TUT1: variants seen among roughly 807,000 people sequenced by gnomAD.
The protein encoded by TUT1 is speckle targeted PIP5K1A-regulated poly(A) polymerase.
In TUT1, 26 loss-of-function variants were observed where a neutral mutation model predicts 48.8. The observed-to-expected ratio is 0.53, with a 90% CI of 0.39 to 0.74. TUT1 has a LOEUF of 0.74. Among genes scored for constraint, TUT1 ranks in the 30% least tolerant of loss-of-function variants. The pLI, the probability that TUT1 is intolerant of heterozygous loss-of-function variation, is 0.00. For synonymous variants in TUT1, 470 were observed against 460.8 expected (o/e 1.02, Z -0.26); for missense variants, 1,065 against 1,114.8 (o/e 0.96, Z 0.64).
intron 1 of TUT1, chr11:62,591,198 T>G: frequency 2.7e-5 from 15 of 565,698 alleles, no homozygotes; most frequent in Non-Finnish European, 3.4e-5. Context: ...ACTTGCGTTG[T>G]GGAGATTTCA....
chr11:62,588,374 T>C (rs1471664693), intron 2 of TUT1, among the ~76,000 whole-genome samples: 3 of 152,056 alleles, frequency 2.0e-5, no homozygotes, highest in African/African-American at 7.2e-5. Context: ...GCCAACATGG[T>C]GAAACCCTGT....
chr11:62,577,233 G>C lies in TUT1; in HGVS notation c.1219C>G (p.Arg407Gly), dbSNP rs745572318. Residue 407 changes from arginine (R) to glycine (G), a missense_variant, in exon 6 of 9, where the codon CGG becomes GGG. Arg to Gly is a moderately radical substitution (Grantham distance 125). Transcript: ENST00000476907. ...SLCSELDGRV[R>G]PLVYTLRCWA... ...CAGCGGAGGGTGTACACGAGGGGCC[G>C]GACTCGACCATCCAGCTCAGAGCAG... is the stretch of plus-strand genomic sequence containing the variant. 1.9e-6 allele frequency: 3 copies of C among 1,611,278 alleles called. No homozygotes were observed. Among genetic ancestry groups the C allele is most frequent in the Non-Finnish European group, 2.5e-6 (3 of 1,179,170 alleles).
intron 2 of TUT1, 47 bp downstream of exon 2, chr11:62,588,984 G>T: frequency 1.3e-6 from 2 of 1,549,226 alleles, no homozygotes; most frequent in Non-Finnish European, 1.8e-6. Flanking sequence ...GTGAGCCATC[G>T]CGCCCAGCAC....
chr11:62,584,978 C>T (rs534343945), intron 2 of TUT1, among the ~76,000 whole-genome samples: 4 of 151,510 alleles, frequency 2.6e-5, no homozygotes, highest in Admixed American at 1.3e-4. Context: ...TCTGCCACTA[C>T]GCCCAGCTAA....
intron 4 of TUT1, among the ~76,000 whole-genome samples, 195 bp downstream of exon 4, chr11:62,580,911 T>C (rs752421469): frequency 6.6e-6 from 1 of 152,114 alleles, no homozygotes; most frequent in Non-Finnish European, 1.5e-5. Flanking sequence ...CGCCTGGCCC[T>C]GTCAGTTCAT....
At position 62,578,301 on chromosome 11, in the gene TUT1, C is replaced by T. The variant is rs538699702; in HGVS notation, c.1160+260G>A. On this transcript the variant is annotated intron_variant, in intron 5 of 8. Transcript: ENST00000476907. ...GTGCCTCACGCCTGTAGTCCCCGCA[C>T]TTTGGGAGGCCGAGGCAGGTGATCA... 1.0e-3 allele frequency among the ~76,000 whole-genome samples: 154 copies of T among 152,222 alleles called. 1 individual carries two copies. Among genetic ancestry groups the T allele is most frequent in the African/African-American group, 3.5e-3 (146 of 41,512 alleles).
intron 5 of TUT1, 160 bp from the exon 6 acceptor site, chr11:62,577,451 G>C (rs1036057100): frequency 3.2e-6 from 2 of 627,840 alleles, no homozygotes; most frequent in South Asian, 1.9e-5. Flanking sequence ...TGTGCGAAAG[G>C]ACAAAGGAGT....
chr11:62,591,473 C>T lies in TUT1; in HGVS notation c.13G>A (p.Asp5Asn), dbSNP rs571936007. 7.3e-5 allele frequency: 118 copies of T among 1,611,140 alleles called. No homozygotes were observed. In the African/African-American group the frequency reaches 7.6e-4, roughly 10 times the overall value. The change falls in exon 1 of 9, where the codon GAT becomes AAT. Residue 5 changes from aspartate (D) to asparagine (N), a missense_variant. By Grantham distance (23) the Asp-to-Asn change is conservative. Coordinates refer to ENST00000476907, the MANE Select transcript of TUT1 (RefSeq NM_022830.3). Reference sequence around the variant, plus strand: ...CGCGGCAGCGATTCGACATCCGAATCCACCGCCGCCATAGCGACTCTCCTG... The same window carrying T: ...CGCGGCAGCGATTCGACATCCGAATTCACCGCCGCCATAGCGACTCTCCTG... Reference protein sequence around the residue: MAAVDSDVESLPRGG... With the variant: MAAVNSDVESLPRGG...
In TUT1 at chr11:62,575,813, C is replaced by G. The variant is rs779444950; in HGVS notation, c.1906G>C (p.Glu636Gln). 6.2e-7 allele frequency: 1 copy of G among 1,614,072 alleles called. No individual in the cohort carries two copies. Among genetic ancestry groups the G allele is most frequent in the South Asian group, 1.1e-5 (1 of 91,086 alleles). The change falls in exon 9 of 9, where the codon GAA becomes CAA. Residue 636 changes from glutamate (E) to glutamine (Q), a missense_variant. Transcript: ENST00000476907. ...GACCGCGTTCTCTTGGTTGCCTGTT[C>G]TATATGGCACCCCAGTGCTTCCCTG... Reference protein sequence around the residue: ...VFREALGCHIEQATKRTRSEG... With the variant: ...VFREALGCHIQQATKRTRSEG...
rs1410993529 is a variant in TUT1, at chr11:62,576,975, A to G, written c.1313T>C (p.Val438Ala). 1.2e-6 allele frequency: 2 copies of G among 1,613,968 alleles called. No homozygotes were observed. Among genetic ancestry groups the G allele is most frequent in the Non-Finnish European group, 1.7e-6 (2 of 1,180,022 alleles). ...GTCCCTGGTCTGAAGAAAATAGATC[A>G]CCAGCAAGGTCAGGGCGTAGTTACT... ...LLSNYALTLLVIYFLQTRDPP... is the reference protein window; with the variant it reads ...LLSNYALTLLAIYFLQTRDPP... Residue 438 changes from valine to alanine, a missense_variant, in exon 7 of 9, where the codon GTG becomes GCG. Val to Ala is a moderately conservative substitution (Grantham distance 64, BLOSUM62 0). Coordinates refer to ENST00000476907, the MANE Select transcript of TUT1 (RefSeq NM_022830.3).
At chr11:62,582,455 G>T (rs1295548145) in intron 2 of TUT1, 1 of 301,484 alleles carries the variant, frequency 3.3e-6, no homozygotes, top group African/African-American at 2.3e-5. Flanking sequence ...AATTAGCCAG[G>T]CATGGCAGCA....
rs1941747176 is a variant in TUT1, at chr11:62,577,394, G to C, written c.1161-103C>G. 1.0e-5 allele frequency: 9 copies of C among 860,886 alleles called. No individual in the cohort carries two copies. The South Asian group carries it at 1.4e-4, about 13-fold the overall frequency. 53.3% of individuals were successfully genotyped at this position (860,886 alleles called of 1,614,324 possible). A position where few individuals can be genotyped will look rare whatever the true frequency, so the allele number is the denominator to read the frequency against. ...GCATAACTGGAGCCAGCTGGAATAA[G>C]GCCAGAACAGTTTCCCCAAATGTTG... On this transcript the variant is annotated intron_variant, in intron 5 of 8. Transcript: ENST00000476907.
At chr11:62,586,162 T>A (rs898763339) in intron 2 of TUT1, among the ~76,000 whole-genome samples, 2 of 152,214 alleles carry the variant, frequency 1.3e-5, no homozygotes, top group Non-Finnish European at 1.5e-5. Context: ...GTCCTTGCCA[T>A]TTTTGTCCTC....
chr11:62,584,165 C>T (rs1941873359), intron 2 of TUT1, among the ~76,000 whole-genome samples: 1 of 143,400 alleles, frequency 7.0e-6, no homozygotes, highest in Non-Finnish European at 1.5e-5. Context: ...GTGTCTCTGT[C>T]ACTCAGACTT....
intron 2 of TUT1, among the ~76,000 whole-genome samples, chr11:62,586,697 C>G (rs1941921106): frequency 1.3e-5 from 2 of 151,972 alleles, no homozygotes; most frequent in Non-Finnish European, 2.9e-5. Context: ...AGGCGGATCA[C>G]CTGAGGTCAG....
Position 62,575,209 on chromosome 11 carries a change from G to C in TUT1, c.2510C>G (p.Ser837Cys), listed in dbSNP as rs572447780. 5 of 1,613,292 alleles carry C rather than the reference G, an allele frequency of 3.1e-6. No homozygotes were observed. The highest frequency in any genetic ancestry group is 1.1e-5 in the South Asian group (1 of 91,070). The change falls in exon 9 of 9, where the codon TCC becomes TGC. Residue 837 changes from serine (S) to cysteine (C), a missense_variant. By Grantham distance (112) the Ser-to-Cys change is moderately radical (BLOSUM62 -1). Coordinates refer to ENST00000476907, the MANE Select transcript of TUT1 (RefSeq NM_022830.3). ...CACAGTGAGCATTCGGTCAGCCGGG[G>C]AGACAGACGCCACAAAGCTCAGCAG... Reference protein sequence around the residue: ...EPLLSFVASVSPADRMLTVTP... With the variant: ...EPLLSFVASVCPADRMLTVTP...
In TUT1 at chr11:62,589,010, C is replaced by T. The variant is rs774764866; in HGVS notation, c.273+21G>A. On this transcript the variant is annotated intron_variant, in intron 2 of 8. Transcript: ENST00000476907. The stretch of plus-strand genomic sequence containing the variant: ...CGCCCAGCACTGATTCATTCTTTAA[C>T]CCGAGAGCCATTCACTTTACCTTGT... The T allele has an allele frequency of 3.5e-5, 57 of 1,606,522 alleles. No homozygotes were observed. In the East Asian group the frequency reaches 1.2e-3, roughly 33 times the overall value.
rs1008157328 is a variant in TUT1 at position 62,591,521 on chromosome 11, T to C, written c.-36A>G. 2 of 1,613,180 alleles carry C rather than the reference T, an allele frequency of 1.2e-6. No homozygotes were observed. Among genetic ancestry groups the C allele is most frequent in the South Asian group, 1.1e-5 (1 of 90,894 alleles). ...CTGTACCGACAAAAACACAAGCACC[T>C]CTGCCACCACCGGAACCCACTTCGC... On this transcript the variant is annotated 5_prime_UTR_variant, in exon 1 of 9. Coordinates refer to ENST00000476907, the MANE Select transcript of TUT1 (RefSeq NM_022830.3).
intron 2 of TUT1, among the ~76,000 whole-genome samples, chr11:62,586,432 T>A (rs1316888065): frequency 2.0e-5 from 3 of 152,216 alleles, no homozygotes; most frequent in African/African-American, 7.2e-5. Context: ...TAGATGCAAG[T>A]GTACATAATG....
Sources: gnomAD v4.1 joint callset for allele counts (sites outside exome capture counted in the v4.1 genomes callset) on GRCh38, gnomAD v4.1.1 for gene constraint, MANE v1.5 for transcripts, NCBI Gene and HGNC (gene_info 2026-07-23, HGNC 2026-07-21) for gene names.